Variants in ULK4 observed in about 807,000 individuals in gnomAD.
ULK4 encodes the protein unc-51 like kinase 4.
Under a neutral mutation model 160.6 loss-of-function variants are expected in ULK4, and 133 were observed. The observed-to-expected ratio is 0.83, with a 90% confidence interval of 0.72 to 0.96. The LOEUF (loss-of-function observed/expected upper bound fraction) is 0.96. Among genes scored for constraint, ULK4 ranks in the 40% least tolerant of loss-of-function variants. The probability of loss-of-function intolerance (pLI) is 0.00; values close to 1 mark genes in which losing one functional copy is unlikely to be tolerated. For missense variants in ULK4, 1,580 were observed against 1,499.5 expected (o/e 1.05, Z -0.89); for synonymous variants, 534 against 539.8 (o/e 0.99, Z 0.15).
At position 41,493,236 on chromosome 3, in the gene ULK4, C is replaced by T. The variant is rs2084857634; in HGVS notation, c.3227-29983G>A. ...AAATTATAACAAACTGTCTCTCAGA[C>T]CACAGTGCAATCAAACTAGAACTCA... On this transcript the variant is annotated intron_variant, in intron 32 of 36. Transcript: ENST00000301831. Among the ~76,000 whole-genome samples, 5 of 146,234 alleles carry T rather than the reference C, an allele frequency of 3.4e-5. No homozygotes were observed. The South Asian group carries it at 1.1e-3, about 32-fold the overall frequency.
intron 32 of ULK4, among the ~76,000 whole-genome samples, chr3:41,539,187 G>C (rs2086614701): frequency 8.5e-6 from 1 of 117,004 alleles, no homozygotes; most frequent in Non-Finnish European, 2.0e-5. Context: ...TTGTTCAAGG[G>C]TCAACTGTAT....
intron 17 of ULK4, among the ~76,000 whole-genome samples, chr3:41,840,461 C>T (rs1196854340): frequency 6.6e-6 from 1 of 152,238 alleles, no homozygotes; most frequent in Non-Finnish European, 1.5e-5. Context: ...CTGCAGCCTC[C>T]CTGCCCCAGG....
chr3:41,291,834 T>C (rs1338776150), intron 35 of ULK4, among the ~76,000 whole-genome samples: 2 of 151,178 alleles, frequency 1.3e-5, no homozygotes, highest in African/African-American at 4.9e-5. Context: ...ATGTTCTTTT[T>C]TTTTTTTTTT....
intron 1 of ULK4, among the ~76,000 whole-genome samples, chr3:41,957,957 T>C (rs1700541229): frequency 6.6e-6 from 1 of 150,600 alleles, no homozygotes; most frequent in Non-Finnish European, 1.5e-5. Flanking sequence ...GGCAGGAGGA[T>C]AGCTTGAACC....
intron 17 of ULK4, among the ~76,000 whole-genome samples, chr3:41,856,904 G>C (rs1368682639): frequency 6.8e-6 from 1 of 146,192 alleles, no homozygotes; most frequent in Non-Finnish European, 1.5e-5. Flanking sequence ...GTGAGACCTT[G>C]TATAAAACAA....
intron 35 of ULK4, among the ~76,000 whole-genome samples, chr3:41,394,956 C>G (rs1456702094): frequency 6.6e-6 from 1 of 152,044 alleles, no homozygotes; most frequent in Non-Finnish European, 1.5e-5. Flanking sequence ...TTCACAGGTA[C>G]CCTCCAGAAG....
intron 22 of ULK4, among the ~76,000 whole-genome samples, chr3:41,735,338 G>A (rs2037991050): frequency 6.6e-6 from 1 of 152,078 alleles, no homozygotes; most frequent in Non-Finnish European, 1.5e-5. Context: ...ATTGTGTAAA[G>A]TCAGTTATAT....
intron 31 of ULK4, among the ~76,000 whole-genome samples, chr3:41,601,050 T>C (rs1001267472): frequency 1.3e-5 from 2 of 152,242 alleles, no homozygotes; most frequent in Admixed American, 1.3e-4. Context: ...TATAAAACAA[T>C]ATAATAGAGT....
chr3:41,627,193 C>T (rs1485790133), intron 30 of ULK4, among the ~76,000 whole-genome samples: 1 of 152,020 alleles, frequency 6.6e-6, no homozygotes, highest in Non-Finnish European at 1.5e-5. Flanking sequence ...CACCTTAGTC[C>T]TATTTATTCA....
chr3:41,326,413 A>G (rs1315384157), intron 35 of ULK4, among the ~76,000 whole-genome samples: 2 of 151,904 alleles, frequency 1.3e-5, no homozygotes, highest in Admixed American at 1.3e-4. Flanking sequence ...GAAAAAATGT[A>G]TTAACCTTAA....
intron 35 of ULK4, among the ~76,000 whole-genome samples, chr3:41,319,575 G>A (rs1424378049): frequency 6.6e-6 from 1 of 152,162 alleles, no homozygotes; most frequent in Non-Finnish European, 1.5e-5. Flanking sequence ...CTTGGTACAT[G>A]GTCAAAGTAG....
At chr3:41,595,727 T>C (rs920993724) in intron 31 of ULK4, among the ~76,000 whole-genome samples, 7 of 152,066 alleles carry the variant, frequency 4.6e-5, no homozygotes, top group South Asian at 2.1e-4. Flanking sequence ...AAGGAAGTAA[T>C]AACAGAGAGT....
chr3:41,831,062 C>G (rs2041567004), intron 18 of ULK4, among the ~76,000 whole-genome samples: 1 of 151,690 alleles, frequency 6.6e-6, no homozygotes, highest in Non-Finnish European at 1.5e-5. Flanking sequence ...GGGTGTTGCT[C>G]TGACACCCAG....
chr3:41,570,144 A>G (rs2087921114), intron 31 of ULK4, among the ~76,000 whole-genome samples: 1 of 152,218 alleles, frequency 6.6e-6, no homozygotes, highest in African/African-American at 2.4e-5. Context: ...CTTTCTCAGC[A>G]GATTTGTACC....
chr3:41,856,564 C>CATATATACACAT (rs1553675292), intron 17 of ULK4, among the ~76,000 whole-genome samples: 3 of 69,034 alleles, frequency 4.3e-5, no homozygotes, highest in Non-Finnish European at 7.7e-5. Context: ...TATATATACA[C>CATATATACACAT]ATATATATAT....
chr3:41,832,577 C>T (rs1480529820), intron 18 of ULK4, among the ~76,000 whole-genome samples: 2 of 152,158 alleles, frequency 1.3e-5, no homozygotes, highest in African/African-American at 2.4e-5. Context: ...GGTTTTGATG[C>T]CATTGCTTTT....
At position 41,932,052 on chromosome 3, in the gene ULK4, T is replaced by C. The variant is rs763071455; in HGVS notation, c.379-46A>G. 17 of 1,575,214 alleles carry C rather than the reference T, an allele frequency of 1.1e-5. No homozygotes were observed. In the East Asian group the frequency reaches 3.8e-4, roughly 36 times the overall value. On this transcript the variant is annotated intron_variant, in intron 4 of 36. Transcript: ENST00000301831. The stretch of plus-strand genomic sequence containing the variant: ...TTTTCAGAAAAAAAATCAACTTAAT[T>C]TGTACATATATCAGTACCTCTTATA...
chr3:41,951,718 G>A (rs774099626), intron 2 of ULK4, among the ~76,000 whole-genome samples: 12 of 152,174 alleles, frequency 7.9e-5, no homozygotes, highest in Non-Finnish European at 1.6e-4. Context: ...GAAACCTAAT[G>A]TCCACTGTGG....
chr3:41,365,725 T>G (rs1288741146), intron 35 of ULK4, among the ~76,000 whole-genome samples: 1 of 152,152 alleles, frequency 6.6e-6, no homozygotes, highest in Admixed American at 6.5e-5. Context: ...CCCAAGCCCC[T>G]GCTCTTCACC....
Sources: gnomAD v4.1 joint callset for allele counts (sites outside exome capture counted in the v4.1 genomes callset) on GRCh38, gnomAD v4.1.1 for gene constraint, MANE v1.5 for transcripts, NCBI Gene and HGNC (gene_info 2026-07-23, HGNC 2026-07-21) for gene names.